Variants in OPHN1 observed in about 807,000 individuals in gnomAD.
OPHN1 encodes the protein oligophrenin 1, also known as oligophrenin-1.
In OPHN1, 11 loss-of-function variants were observed where a neutral mutation model predicts 60.7. That is an observed-to-expected ratio of 0.18 (90% CI 0.11 to 0.30). The LOEUF (loss-of-function observed/expected upper bound fraction) is 0.30. Among genes scored for constraint, OPHN1 ranks in the 10% least tolerant of loss-of-function variants. The pLI, the probability that OPHN1 is intolerant of heterozygous loss-of-function variation, is 1.00. For synonymous variants in OPHN1, 226 were observed against 222.6 expected (o/e 1.02, Z -0.14); for missense variants, 449 against 611.0 (o/e 0.73, Z 2.80).
At chrX:68,350,466 T>TCCCTC (rs2078403012) in intron 2 of OPHN1, among the ~76,000 whole-genome samples, 3 of 68,645 alleles carry the variant, frequency 4.4e-5, no homozygotes, top group African/African-American at 7.3e-5. Context: ...CTTCCTTCCT[T>TCCCTC]CCTTCCTCCC....
rs1465380570 is a variant in OPHN1, at chrX:68,201,656, C to T, written c.988G>A (p.Asp330Asn). 6 of 1,210,391 alleles carry T rather than the reference C, an allele frequency of 5.0e-6. No homozygotes were observed. The highest frequency in any genetic ancestry group is 2.2e-5 in the Admixed American group (1 of 45,991). ...YCVRRKTESI[D>N]KRFCFDIETN... is the part of the protein sequence containing the mutation. ...TCTATGTCAAAACAGAACCTCTTGT[C>T]GATAGACTCCGTCTTCCTTCTCACA... The change falls in exon 11 of 25, where the codon GAC (aspartate) becomes AAC (asparagine). Residue 330 changes from aspartate (D) to asparagine (N), a missense_variant. This residue lies in a region of OPHN1 where 166 missense variants were observed against 278.4 expected (regional missense o/e 0.60). Transcript: ENST00000355520.
At chrX:68,179,559 T>G (rs1193319266) in intron 15 of OPHN1, among the ~76,000 whole-genome samples, 4 of 112,018 alleles carry the variant, frequency 3.6e-5, no homozygotes, top group Non-Finnish European at 7.5e-5. Flanking sequence ...TGAGTCAGTT[T>G]AGTGAAAATC....
At chrX:68,135,592 G>A (rs1427211240) in intron 15 of OPHN1, among the ~76,000 whole-genome samples, 1 of 112,303 alleles carries the variant, frequency 8.9e-6, no homozygotes, top group African/African-American at 3.2e-5. Flanking sequence ...AACAGTAAGA[G>A]CGTAACTGGG....
chrX:68,043,172 GA>G lies in OPHN1; in HGVS notation c.*3999del, dbSNP rs2076821325. 1.8e-5 allele frequency: 1 copy of G among 55,452 alleles called. No individual in the cohort carries two copies. The highest frequency in any genetic ancestry group is 2.3e-4 in the Admixed American group (1 of 4,331). The allele number at this position is 55,452 out of a possible 1,213,427, so 4.6% of individuals were successfully genotyped here. On this transcript the variant is annotated 3_prime_UTR_variant, in exon 25 of 25. Coordinates refer to ENST00000355520, the MANE Select transcript of OPHN1 (RefSeq NM_002547.3). ...CACTCATAGGTGGGAATTGAACAAT[GA>G]GATCACATGGACACAGGAAGGGGAA...
intron 5 of OPHN1, among the ~76,000 whole-genome samples, chrX:68,249,978 CTA>C (rs2077825348): frequency 8.9e-6 from 1 of 112,101 alleles, no homozygotes; most frequent in African/African-American, 3.2e-5. Context: ...ACCTTCAACA[CTA>C]TATACAAAAT....
chrX:68,066,675 C>T (rs2076914185), intron 20 of OPHN1, among the ~76,000 whole-genome samples: 1 of 111,620 alleles, frequency 9.0e-6, no homozygotes, highest in Non-Finnish European at 1.9e-5. Context: ...CCTGGATTAT[C>T]TCATGTAATC....
chrX:68,101,689 A>G (rs1174623499), intron 18 of OPHN1, among the ~76,000 whole-genome samples: 1 of 112,321 alleles, frequency 8.9e-6, no homozygotes, highest in Non-Finnish European at 1.9e-5. Context: ...ATGAATTATC[A>G]TTGCCTAGAT....
chrX:68,289,500 T>C (rs1026942449), intron 3 of OPHN1, among the ~76,000 whole-genome samples: 2 of 112,205 alleles, frequency 1.8e-5, no homozygotes, highest in Non-Finnish European at 3.8e-5. Flanking sequence ...TCAAACAGCT[T>C]AAAATTATCT....
chrX:68,101,114 T>G lies in OPHN1; in HGVS notation c.1527-4085A>C, dbSNP rs766889287. Among the ~76,000 whole-genome samples the G allele has an allele frequency of 1.4e-4, 16 of 112,282 alleles. No homozygotes were observed. The South Asian group carries it at 6.0e-3, about 42-fold the overall frequency. Reference sequence around the variant, plus strand: ...CACTGGTGTTATATTATCTGTCATTTACTTTAAATACTTCAACAAAGTCCA... The same window carrying G: ...CACTGGTGTTATATTATCTGTCATTGACTTTAAATACTTCAACAAAGTCCA... On this transcript the variant is annotated intron_variant, in intron 18 of 24. Coordinates refer to ENST00000355520, the MANE Select transcript of OPHN1 (RefSeq NM_002547.3).
At chrX:68,392,850 C>G (rs1039461322) in intron 2 of OPHN1, among the ~76,000 whole-genome samples, 4 of 109,754 alleles carry the variant, frequency 3.6e-5, no homozygotes, top group Non-Finnish European at 3.8e-5. Flanking sequence ...CTCGATCCCC[C>G]CTTCCAGCTC....
At chrX:68,321,964 T>TTTTTATTTTATTTTATTTTA (rs200314831) in intron 2 of OPHN1, among the ~76,000 whole-genome samples, 1 of 106,070 alleles carries the variant, frequency 9.4e-6, no homozygotes, top group African/African-American at 3.6e-5. Context: ...TAAGAGTTTG[T>TTTTTATTTTATTTTATTTTA]TTTTATTTTA....
At chrX:68,337,765 A>G (rs1340804061) in intron 2 of OPHN1, among the ~76,000 whole-genome samples, 2 of 104,603 alleles carry the variant, frequency 1.9e-5, no homozygotes, top group African/African-American at 7.1e-5. Context: ...TGGAGTGGCT[A>G]TATTAGAATA....
rs1388035351 is a variant in OPHN1, at chrX:68,046,648, A to T, written c.*524T>A. On this transcript the variant is annotated 3_prime_UTR_variant, in exon 25 of 25. Coordinates refer to ENST00000355520, the MANE Select transcript of OPHN1 (RefSeq NM_002547.3). Reference sequence around the variant, plus strand: ...GAGCGCTGACATGGCACCAGTGTCCATATCCTCAGTAGGAGACATGTTGAG... The same window carrying T: ...GAGCGCTGACATGGCACCAGTGTCCTTATCCTCAGTAGGAGACATGTTGAG... 8.9e-6 allele frequency: 1 copy of T among 111,971 alleles called. No homozygotes were observed. The highest frequency in any genetic ancestry group is 1.9e-5 in the Non-Finnish European group (1 of 53,227). The allele number at this position is 111,971 out of a possible 1,213,427, so 9.2% of individuals were successfully genotyped here. A position where few individuals can be genotyped will look rare whatever the true frequency, so the allele number is the denominator to read the frequency against.
intron 5 of OPHN1, 118 bp from the exon 6 acceptor site, chrX:68,234,706 G>A: frequency 1.7e-6 from 1 of 571,921 alleles, no homozygotes. Context: ...CTAGCTCCTG[G>A]AAGGAAAAAA....
chrX:68,275,459 A>C (rs2147595424), intron 4 of OPHN1, among the ~76,000 whole-genome samples: 1 of 111,396 alleles, frequency 9.0e-6, no homozygotes, highest in Non-Finnish European at 1.9e-5. Flanking sequence ...GGGCAGGTAA[A>C]GGTATACAAA....
intron 15 of OPHN1, among the ~76,000 whole-genome samples, chrX:68,131,049 C>T (rs1446752232): frequency 9.0e-6 from 1 of 110,577 alleles, no homozygotes; most frequent in South Asian, 3.8e-4. Context: ...GGGAGAGATA[C>T]CCTGTGAAGT....
intron 15 of OPHN1, among the ~76,000 whole-genome samples, chrX:68,186,009 G>A (rs192253788): frequency 1.8e-5 from 2 of 111,880 alleles, no homozygotes; most frequent in African/African-American, 6.5e-5. Flanking sequence ...CCAAGGGGAA[G>A]ACTATGGTTT....
At chrX:68,393,549 A>C (rs1049592801) in intron 2 of OPHN1, among the ~76,000 whole-genome samples, 21 of 111,865 alleles carry the variant, frequency 1.9e-4, no homozygotes, top group African/African-American at 6.5e-4. Context: ...CCAATTTGAC[A>C]TTTGCATTTA....
chrX:68,151,934 T>G, intron 15 of OPHN1, among the ~76,000 whole-genome samples: 1 of 110,717 alleles, frequency 9.0e-6, no homozygotes, highest in Non-Finnish European at 1.9e-5. Flanking sequence ...CTTATAATCA[T>G]GGTGGAAGGT....
Sources: gnomAD v4.1 joint callset for allele counts (sites outside exome capture counted in the v4.1 genomes callset) on GRCh38, gnomAD v4.1.1 for gene constraint, gnomAD v4.1.1 regional missense constraint, MANE v1.5 for transcripts, NCBI Gene and HGNC (gene_info 2026-07-23, HGNC 2026-07-21) for gene names.